Variants in SUSD2 observed in about 807,000 individuals in gnomAD.
SUSD2 encodes sushi domain containing 2, also known as sushi domain-containing protein 2.
A neutral mutation model predicts 93.8 loss-of-function variants in SUSD2; 86 were observed. The observed-to-expected ratio is 0.92, with a 90% CI of 0.77 to 1.10. The LOEUF (loss-of-function observed/expected upper bound fraction) is 1.10. Among genes scored for constraint, SUSD2 ranks in the 50% least tolerant of loss-of-function variants. The pLI is 0.00. For missense variants in SUSD2, 1,060 were observed against 1,137.0 expected (o/e 0.93, Z 0.97); for synonymous variants, 483 against 485.0 (o/e 1.00, Z 0.05).
In SUSD2 at chr22:24,185,706, G is replaced by A. The variant is rs1569340299; in HGVS notation, c.1116G>A (p.Gly372=). 4 of 1,611,060 alleles carry A rather than the reference G, an allele frequency of 2.5e-6. No homozygotes were observed. The highest frequency in any genetic ancestry group is 2.7e-5 in the African/African-American group (2 of 75,020). Residue 372 remains glycine, a synonymous_variant, in exon 8 of 15, where the codon GGG becomes GGA. Transcript: ENST00000358321. ...AGCAGTGCTGCTACACAGCGGACGGGACGCAGCTCCTGACAGCTGACTCCA... is the reference window on the plus strand; with the variant it reads ...AGCAGTGCTGCTACACAGCGGACGGAACGCAGCTCCTGACAGCTGACTCCA... The part of the protein sequence containing the change: ...SGQQCCYTAD[G]TQLLTADSSG...
chr22:24,186,231 C>T (rs2047365515), intron 9 of SUSD2, 26 bp from the exon 10 acceptor site: 2 of 1,611,368 alleles, frequency 1.2e-6, no homozygotes, highest in African/African-American at 1.3e-5. Context: ...AGCCAAGTGG[C>T]TCCCGTTCTG....
intron 8 of SUSD2, 37 bp from the exon 9 acceptor site, chr22:24,185,979 G>C (rs2047362999): frequency 6.3e-7 from 1 of 1,582,830 alleles, no homozygotes; most frequent in African/African-American, 1.3e-5. Context: ...GGCTGGGCTG[G>C]GGTGCACCCC....
chr22:24,185,008 T>C, intron 5 of SUSD2, 68 bp downstream of exon 5: 3 of 1,611,542 alleles, frequency 1.9e-6, no homozygotes. Context: ...CATGCTTGCC[T>C]GGGCAGCCCA....
chr22:24,183,144 G>T lies in SUSD2; in HGVS notation c.164G>T (p.Cys55Phe). ...HPTCSGLGTCCLDFRDFCLEI... is the reference protein window; with the variant it reads ...HPTCSGLGTCFLDFRDFCLEI... Reference sequence around the variant, plus strand: ...ACGTGCTCTGGCCTTGGCACCTGCTGCTTGGATTTCCGGGACTTCTGCCTG... The same window carrying T: ...ACGTGCTCTGGCCTTGGCACCTGCTTCTTGGATTTCCGGGACTTCTGCCTG... Residue 55 changes from cysteine to phenylalanine, a missense_variant, in exon 2 of 15, where the codon TGC becomes TTC. Cys to Phe is a radical substitution (Grantham distance 205). This residue lies in a region of SUSD2 where 87 missense variants were observed against 131.6 expected (regional missense o/e 0.66). Coordinates refer to ENST00000358321, the MANE Select transcript of SUSD2 (RefSeq NM_019601.4). The T allele has an allele frequency of 6.2e-7, 1 of 1,614,056 alleles. No homozygotes were observed. Among genetic ancestry groups the T allele is most frequent in the South Asian group, 1.1e-5 (1 of 91,082 alleles).
In SUSD2 at chr22:24,188,249, G is replaced by A. The variant is rs1229394662; in HGVS notation, c.2366G>A (p.Gly789Asp). The A allele has an allele frequency of 1.2e-6, 2 of 1,603,352 alleles. No individual in the cohort carries two copies. Among genetic ancestry groups the A allele is most frequent in the Non-Finnish European group, 8.5e-7 (1 of 1,173,702 alleles). ...GGACGCAGCTACGCGGTGCTGTTGG[G>A]CATCATCTTTGGGGGCCTCGCGGTG... The part of the protein sequence containing the change: ...QPGRSYAVLL[G>D]IIFGGLAVVA... Residue 789 changes from glycine to aspartate, a missense_variant, in exon 14 of 15, where the codon GGC becomes GAC. By Grantham distance (94) the Gly-to-Asp change is moderately conservative (BLOSUM62 -1). Transcript: ENST00000358321. The surrounding 1 kb of genome is among the most constrained non-coding windows in gnomAD (Gnocchi z 4.7).
chr22:24,188,630 G>A lies in SUSD2; in HGVS notation c.*194G>A. On this transcript the variant is annotated 3_prime_UTR_variant, in exon 15 of 15. Coordinates refer to ENST00000358321, the MANE Select transcript of SUSD2 (RefSeq NM_019601.4). The surrounding 1 kb of genome is among the most constrained non-coding windows in gnomAD (Gnocchi z 4.7). Reference sequence around the variant, plus strand: ...CCAACACCCAAGCCCCGTGCTAGCAGCGCTCCGTGCTCTTCCCCAAATACT... The same window carrying A: ...CCAACACCCAAGCCCCGTGCTAGCAACGCTCCGTGCTCTTCCCCAAATACT... The A allele has an allele frequency of 1.7e-6, 1 of 590,554 alleles. No homozygotes were observed. The highest frequency in any genetic ancestry group is 2.1e-5 in the South Asian group (1 of 48,370). 36.6% of individuals were successfully genotyped at this position (590,554 alleles called of 1,614,324 possible).
At position 24,185,914 on chromosome 22, in the gene SUSD2, C is replaced by T. The variant is rs776001012; in HGVS notation, c.1324C>T (p.Arg442Trp). Residue 442 changes from arginine to tryptophan, a missense_variant, in exon 8 of 15, where the codon CGG (arginine) becomes TGG (tryptophan). Arg to Trp is a moderately radical substitution (Grantham distance 101). Transcript: ENST00000358321. The part of the protein sequence containing the change: ...RRPSNDCRNY[R>W]PPRLASAFGD... ...GCCCTCCAATGACTGCCGCAACTACCGGCCCCCAAGACTGGGTGGGTGCCA... is the reference window on the plus strand; with the variant it reads ...GCCCTCCAATGACTGCCGCAACTACTGGCCCCCAAGACTGGGTGGGTGCCA... 42 of 1,570,120 alleles carry T rather than the reference C, an allele frequency of 2.7e-5. No homozygotes were observed. The highest frequency in any genetic ancestry group is 4.1e-5 in the African/African-American group (3 of 74,052).
chr22:24,187,071 G>T, intron 10 of SUSD2, 131 bp from the exon 11 acceptor site: 1 of 1,273,436 alleles, frequency 7.9e-7, no homozygotes, highest in Non-Finnish European at 1.1e-6. Flanking sequence ...AATTGGCCCC[G>T]GGAACGCCCT....
rs1279553251 is a variant in SUSD2, at chr22:24,181,579, C to G, written c.60C>G (p.Gly20=). The part of the protein sequence containing the change: ...LLLLATALGP[G]PGPTADAQES... ...TGCTGGCGACAGCCCTCGGCCCGGGCCCCGGACCCACAGCAGGTATGCCTC... is the reference window on the plus strand; with the variant it reads ...TGCTGGCGACAGCCCTCGGCCCGGGGCCCGGACCCACAGCAGGTATGCCTC... Residue 20 remains glycine (G), a synonymous_variant, in exon 1 of 15, where the codon GGC becomes GGG. Coordinates refer to ENST00000358321, the MANE Select transcript of SUSD2 (RefSeq NM_019601.4). The G allele has an allele frequency of 1.9e-6, 3 of 1,599,040 alleles. No individual in the cohort carries two copies. The highest frequency in any genetic ancestry group is 2.6e-6 in the Non-Finnish European group (3 of 1,174,654).
Position 24,181,552 on chromosome 22 carries a change from G to T in SUSD2, c.33G>T (p.Leu11=). 2 of 1,599,160 alleles carry T rather than the reference G, an allele frequency of 1.3e-6. No individual in the cohort carries two copies. Among genetic ancestry groups the T allele is most frequent in the Non-Finnish European group, 1.7e-6 (2 of 1,175,570 alleles). MKPALLPWAL[L]LLATALGPGP... The stretch of plus-strand genomic sequence containing the variant: ...CAGCCCTCCTGCCCTGGGCCCTGCT[G>T]CTGCTGGCGACAGCCCTCGGCCCGG... The change falls in exon 1 of 15, where the codon CTG becomes CTT. Residue 11 remains leucine, a synonymous_variant. Transcript: ENST00000358321.
chr22:24,187,810 C>T lies in SUSD2; in HGVS notation c.2131C>T (p.Leu711=), dbSNP rs1019201658. The change falls in exon 12 of 15, where the codon CTG becomes TTG. Residue 711 remains leucine (L), a synonymous_variant. Coordinates refer to ENST00000358321, the MANE Select transcript of SUSD2 (RefSeq NM_019601.4). ...CACTGCCACTCGGGTGGCCCACCAGCTGCACCAGCGTCGCATGCAGAGCCT... is the reference window on the plus strand; with the variant it reads ...CACTGCCACTCGGGTGGCCCACCAGTTGCACCAGCGTCGCATGCAGAGCCT... ...TGTATRVAHQ[L]HQRRMQSLQP... is the part of the protein sequence containing the mutation. The T allele has an allele frequency of 3.7e-6, 6 of 1,613,138 alleles. No individual in the cohort carries two copies. The South Asian group carries it at 6.6e-5, about 18-fold the overall frequency.
Position 24,188,537 on chromosome 22 carries a change from A to G in SUSD2, c.*101A>G. 1 of 1,154,230 alleles carries G rather than the reference A, an allele frequency of 8.7e-7. No homozygotes were observed. Among genetic ancestry groups the G allele is most frequent in the Non-Finnish European group, 1.3e-6 (1 of 793,144 alleles). The allele number at this position is 1,154,230 out of a possible 1,614,324, so 71.5% of individuals were successfully genotyped here. ...CCAGGACCAGACACCTGGGACCTGG[A>G]TACTTGATACCTGGGCATTTAACCC... is the stretch of plus-strand genomic sequence containing the variant. On this transcript the variant is annotated 3_prime_UTR_variant, in exon 15 of 15. Coordinates refer to ENST00000358321, the MANE Select transcript of SUSD2 (RefSeq NM_019601.4). This position sits in a 1 kb window ranked among gnomAD's most constrained non-coding sequence, Gnocchi z 4.7.
In SUSD2 at chr22:24,181,624, G is replaced by A. The variant is rs545619559; in HGVS notation, c.76+29G>A. The A allele has an allele frequency of 5.5e-5, 85 of 1,534,826 alleles. 1 individual carries two copies. The highest frequency in any genetic ancestry group is 4.3e-4 in the East Asian group (18 of 41,568). On this transcript the variant is annotated intron_variant, in intron 1 of 14. Coordinates refer to ENST00000358321, the MANE Select transcript of SUSD2 (RefSeq NM_019601.4). ...TGCCTCCCTGCCCTTCTGTGTCCCC[G>A]TCTGTCTGTCCATCTGTCTGCAGCC...
rs1363798928 is a variant in SUSD2, at chr22:24,188,028, C to T, written c.2234C>T (p.Ser745Phe). ...GAGGGCAACAGGTACCTGGCGGGTT[C>T]CACCATCTACTTCCACTGTGACAAC... ...QKEGNRYLAG[S>F]TIYFHCDNGY... The change falls in exon 13 of 15, where the codon TCC becomes TTC. Residue 745 changes from serine to phenylalanine, a missense_variant. Transcript: ENST00000358321. This position sits in a 1 kb window ranked among gnomAD's most constrained non-coding sequence, Gnocchi z 4.7. 1 of 1,613,098 alleles carries T rather than the reference C, an allele frequency of 6.2e-7. No homozygotes were observed. The highest frequency in any genetic ancestry group is 8.5e-7 in the Non-Finnish European group (1 of 1,180,018).
intron 7 of SUSD2, 32 bp from the exon 8 acceptor site, chr22:24,185,629 G>T: frequency 6.2e-7 from 1 of 1,608,722 alleles, no homozygotes; most frequent in Non-Finnish European, 8.5e-7. Flanking sequence ...GCTCCCAACA[G>T]TGGCCTGGCC....
intron 1 of SUSD2, 130 bp from the exon 2 acceptor site, chr22:24,182,927 A>C: frequency 1.4e-6 from 1 of 707,928 alleles, no homozygotes; most frequent in Non-Finnish European, 2.3e-6. Context: ...TGGCCTGTGC[A>C]GTTCCTGGCC....
chr22:24,181,640 G>C (rs1350706074), intron 1 of SUSD2, 45 bp downstream of exon 1: 1 of 1,465,998 alleles, frequency 6.8e-7, no homozygotes, highest in Non-Finnish European at 9.3e-7. Flanking sequence ...CTGTCCATCT[G>C]TCTGCAGCCA....
chr22:24,182,940 C>T (rs543789933), intron 1 of SUSD2, 117 bp from the exon 2 acceptor site: 10 of 827,874 alleles, frequency 1.2e-5, no homozygotes, highest in African/African-American at 8.5e-5. Flanking sequence ...TCCTGGCCAG[C>T]GTTCTCCTGG....
Position 24,186,272 on chromosome 22 carries a change from G to A in SUSD2, c.1499G>A (p.Gly500Asp). 6.2e-7 allele frequency: 1 copy of A among 1,613,552 alleles called. No homozygotes were observed. Among genetic ancestry groups the A allele is most frequent in the Non-Finnish European group, 8.5e-7 (1 of 1,179,990 alleles). Reference sequence around the variant, plus strand: ...ACCACCGCAGGCACGGAGACCCGTGGCACTGGGCTGACCGCAGTGGCCGTC... The same window carrying A: ...ACCACCGCAGGCACGGAGACCCGTGACACTGGGCTGACCGCAGTGGCCGTC... ...GTMSNGTETR[G>D]TGLTAVAVQE... Residue 500 changes from glycine to aspartate, a missense_variant, in exon 10 of 15, where the codon GGC becomes GAC. By Grantham distance (94) the Gly-to-Asp change is moderately conservative. Around this residue, in one of 2 missense-constraint regions of SUSD2, gnomAD observed 973 missense variants for 1,005.3 expected, o/e 0.97. Coordinates refer to ENST00000358321, the MANE Select transcript of SUSD2 (RefSeq NM_019601.4).
Sources: allele counts gnomAD v4.1 joint callset, GRCh38; gene constraint gnomAD v4.1.1; regional missense constraint gnomAD v4.1.1; non-coding constraint Gnocchi (gnomAD v3.1); transcripts MANE v1.5; gene names NCBI Gene and HGNC (gene_info 2026-07-23, HGNC 2026-07-21).